ANK1: variants seen among roughly 807,000 people sequenced by gnomAD.
ANK1 encodes the protein ankyrin-1.
Under a neutral mutation model 210.4 loss-of-function variants are expected in ANK1, and 51 were observed. The observed-to-expected ratio is 0.24, with a 90% CI of 0.19 to 0.31. The LOEUF (loss-of-function observed/expected upper bound fraction) is 0.31. Ranked by LOEUF, ANK1 falls within the 10% of genes least tolerant of loss-of-function variation. The pLI, the probability that ANK1 is intolerant of heterozygous loss-of-function variation, is 1.00. For missense variants in ANK1, 2,051 were observed against 2,504.4 expected (o/e 0.82, Z 3.86); for synonymous variants, 967 against 1,025.9 (o/e 0.94, Z 1.10).
chr8:41,718,718 C>T lies in ANK1; in HGVS notation c.1108-514G>A, dbSNP rs143887858. The stretch of plus-strand genomic sequence containing the variant: ...CACTTAAGGCAGTGGTTCTCAAACA[C>T]GGGAGGTGGTGGTGGGGGGGTATCG... On this transcript the variant is annotated intron_variant, in intron 10 of 42. Transcript: ENST00000289734. Among the ~76,000 whole-genome samples, 86 of 152,140 alleles carry T rather than the reference C, an allele frequency of 5.7e-4. 1 individual carries two copies. In the East Asian group the frequency reaches 0.01, roughly 18 times the overall value.
chr8:41,853,636 A>C (rs563290311), intron 1 of ANK1, among the ~76,000 whole-genome samples: 60 of 152,316 alleles, frequency 3.9e-4, no homozygotes, highest in Admixed American at 1.1e-3. Flanking sequence ...TTTCCTCTCT[A>C]AATTCAATCT....
rs976214654 is a variant in ANK1 at position 41,694,198 on chromosome 8, G to A, written c.3328-96C>T. The A allele has an allele frequency of 7.5e-7, 1 of 1,339,406 alleles. No homozygotes were observed. Among genetic ancestry groups the A allele is most frequent in the Non-Finnish European group, 1.0e-6 (1 of 964,544 alleles). 83.0% of individuals were successfully genotyped at this position (1,339,406 alleles called of 1,614,324 possible). ...ATGCCTGGTGAGAGTGGCCGTCAGTGCACGGGGTCCCGCCCTGCTGTTGGA... is the reference window on the plus strand; with the variant it reads ...ATGCCTGGTGAGAGTGGCCGTCAGTACACGGGGTCCCGCCCTGCTGTTGGA... On this transcript the variant is annotated intron_variant, in intron 28 of 42. Transcript: ENST00000289734. The surrounding 1 kb of genome is among the most constrained non-coding windows in gnomAD (Gnocchi z 5.7).
chr8:41,874,521 G>T (rs1816192788), intron 1 of ANK1, among the ~76,000 whole-genome samples: 1 of 152,196 alleles, frequency 6.6e-6, no homozygotes, highest in Non-Finnish European at 1.5e-5. Flanking sequence ...GCCCTGCAAT[G>T]ACAGGTAAGC....
chr8:41,824,548 C>T (rs1231207991), intron 1 of ANK1, among the ~76,000 whole-genome samples: 1 of 152,188 alleles, frequency 6.6e-6, no homozygotes, highest in Non-Finnish European at 1.5e-5. Flanking sequence ...AGAAAAGTCA[C>T]TGTTCTGTGA....
rs757958920 is a variant in ANK1 at position 41,708,849 on chromosome 8, C to T, written c.1927G>A (p.Ala643Thr). The change falls in exon 17 of 43, where the codon GCC becomes ACC. Residue 643 changes from alanine to threonine, a missense_variant. This residue lies in a region of ANK1 where 1,413 missense variants were observed against 1,707.4 expected (regional missense o/e 0.83). Transcript: ENST00000289734. ...ACCATCTCTGCGTGGCCCTCCTGGGCGGCCAGGTGAAGGGGCGTCACACCT... is the reference window on the plus strand; with the variant it reads ...ACCATCTCTGCGTGGCCCTCCTGGGTGGCCAGGTGAAGGGGCGTCACACCT... ...VQGVTPLHLA[A>T]QEGHAEMVAL... 7.4e-6 allele frequency: 12 copies of T among 1,613,948 alleles called. No homozygotes were observed. Among genetic ancestry groups the T allele is most frequent in the African/African-American group, 2.7e-5 (2 of 74,936 alleles).
chr8:41,674,072 C>T (rs758600410), intron 37 of ANK1, among the ~76,000 whole-genome samples: 9 of 152,210 alleles, frequency 5.9e-5, no homozygotes, highest in Admixed American at 3.9e-4. Context: ...CAACTGCCCC[C>T]GGGCTGTGCT....
chr8:41,714,657 C>T (rs531184579), intron 15 of ANK1, among the ~76,000 whole-genome samples: 7 of 152,088 alleles, frequency 4.6e-5, no homozygotes, highest in African/African-American at 7.2e-5. Context: ...GCCCAGAGTT[C>T]GAGACCAGCC....
chr8:41,725,751 T>C lies in ANK1; in HGVS notation c.612+10A>G, dbSNP rs1830523898. ...GCGGCCCAAGGCTCCTCCCTCCTCC[T>C]CGCCCTCACCTTGGAAAGCACGTCC... On this transcript the variant is annotated intron_variant, in intron 6 of 42. Transcript: ENST00000289734. The C allele has an allele frequency of 3.7e-6, 6 of 1,607,678 alleles. No homozygotes were observed. The highest frequency in any genetic ancestry group is 5.1e-6 in the Non-Finnish European group (6 of 1,178,944).
At chr8:41,819,653 T>G (rs1185533893) in intron 1 of ANK1, among the ~76,000 whole-genome samples, 1 of 152,188 alleles carries the variant, frequency 6.6e-6, no homozygotes, top group Non-Finnish European at 1.5e-5. Context: ...AACTGGGACC[T>G]CTGAAGACAA....
chr8:41,822,991 A>T (rs1338368197), intron 1 of ANK1, among the ~76,000 whole-genome samples: 1 of 152,240 alleles, frequency 6.6e-6, no homozygotes, highest in Non-Finnish European at 1.5e-5. Flanking sequence ...TTTGTGAAAC[A>T]GGAAAGCTAA....
chr8:41,853,658 C>T (rs139363110), intron 1 of ANK1, among the ~76,000 whole-genome samples: 1 of 152,154 alleles, frequency 6.6e-6, no homozygotes, highest in African/African-American at 2.4e-5. Context: ...TTGGTCCCTA[C>T]CCCCACCGCC....
intron 6 of ANK1, among the ~76,000 whole-genome samples, chr8:41,725,334 C>A (rs111600853): frequency 6.6e-6 from 1 of 152,214 alleles, no homozygotes; most frequent in Non-Finnish European, 1.5e-5. Context: ...CTCCGAACAC[C>A]GGAGAGCGTG....
At chr8:41,810,472 T>C (rs1179017736) in intron 1 of ANK1, among the ~76,000 whole-genome samples, 1 of 152,222 alleles carries the variant, frequency 6.6e-6, no homozygotes, top group Non-Finnish European at 1.5e-5. Context: ...GGAACGTGTT[T>C]CCACGGTGAA....
intron 1 of ANK1, among the ~76,000 whole-genome samples, chr8:41,866,187 T>C (rs1464029202): frequency 6.6e-6 from 1 of 151,888 alleles, no homozygotes; most frequent in East Asian, 1.9e-4. Flanking sequence ...CTTTCTTTTT[T>C]TGGAGTGGGT....
chr8:41,783,563 T>C (rs558662953), intron 1 of ANK1, among the ~76,000 whole-genome samples: 33 of 152,258 alleles, frequency 2.2e-4, no homozygotes, highest in African/African-American at 6.5e-4. Context: ...CCTACGTCCA[T>C]CCAATGATCA....
intron 1 of ANK1, among the ~76,000 whole-genome samples, chr8:41,856,021 G>A (rs151171061): frequency 2.0e-5 from 3 of 152,246 alleles, no homozygotes; most frequent in East Asian, 3.9e-4. Flanking sequence ...TCAACAAGCC[G>A]GGACAAAGTT....
At chr8:41,710,453 C>G (rs1163119441) in intron 16 of ANK1, among the ~76,000 whole-genome samples, 4 of 152,234 alleles carry the variant, frequency 2.6e-5, no homozygotes, top group African/African-American at 9.6e-5. Context: ...GATGTGTACA[C>G]AAATCCCTTG....
chr8:41,692,059 CTTT>C (rs76005004), intron 31 of ANK1, among the ~76,000 whole-genome samples: 4 of 140,838 alleles, frequency 2.8e-5, no homozygotes, highest in Non-Finnish European at 6.2e-5. Context: ...CTGGCTAGCA[CTTT>C]TTTTTTTTTT....
intron 35 of ANK1, 95 bp from the exon 36 acceptor site, chr8:41,686,378 G>A: frequency 6.6e-7 from 1 of 1,518,048 alleles, no homozygotes; most frequent in Admixed American, 1.7e-5. Context: ...GGGGCGTGGG[G>A]GGACCCAGTG....
Sources: allele counts gnomAD v4.1 joint callset (sites outside exome capture counted in the v4.1 genomes callset), GRCh38; gene constraint gnomAD v4.1.1; regional missense constraint gnomAD v4.1.1; non-coding constraint Gnocchi (gnomAD v3.1); transcripts MANE v1.5; gene names NCBI Gene and HGNC (gene_info 2026-07-23, HGNC 2026-07-21).